DOP1B: variants seen among roughly 807,000 people sequenced by gnomAD.
The protein encoded by DOP1B is DOP1 leucine zipper like protein B.
Under a neutral mutation model 233.5 loss-of-function variants are expected in DOP1B, and 174 were observed. The ratio of observed to expected loss-of-function variants is 0.75; its 90% CI spans 0.66 to 0.85. DOP1B has a LOEUF of 0.85. Among genes scored for constraint, DOP1B ranks in the 40% least tolerant of loss-of-function variants. The pLI is 0.00. For missense variants in DOP1B, 2,652 were observed against 2,846.6 expected (o/e 0.93, Z 1.56); for synonymous variants, 1,190 against 1,185.6 (o/e 1.00, Z -0.08).
intron 32 of DOP1B, 78 bp downstream of exon 32, chr21:36,281,689 T>G (rs760116624): frequency 1.9e-5 from 25 of 1,329,598 alleles, no homozygotes; most frequent in Non-Finnish European, 2.3e-5. Context: ...AAACAGAAAT[T>G]TATTGCCTCA....
intron 2 of DOP1B, among the ~76,000 whole-genome samples, chr21:36,166,660 T>G (rs906984002): frequency 2.0e-5 from 3 of 152,144 alleles, no homozygotes; most frequent in African/African-American, 7.2e-5. Context: ...CTGTTGCTGT[T>G]CAGACAGGAC....
intron 31 of DOP1B, among the ~76,000 whole-genome samples, chr21:36,280,592 G>A (rs2067404242): frequency 6.6e-6 from 1 of 152,202 alleles, no homozygotes; most frequent in Non-Finnish European, 1.5e-5. Context: ...ACTGCCGAAA[G>A]CATCCAGCTT....
intron 4 of DOP1B, among the ~76,000 whole-genome samples, chr21:36,203,474 A>T (rs1569018659): frequency 6.6e-6 from 1 of 152,214 alleles, no homozygotes. Context: ...AGACTGAGGC[A>T]GAAGAATCAC....
rs746416742 is a variant in DOP1B at position 36,263,570 on chromosome 21, G to T, written c.5340G>T (p.Glu1780Asp). ...LQRLPVPALQ[E>D]NFSSLLGVLK... ...GGCTCCCAGTACCAGCCTTGCAAGA[G>T]AACTTTTCTTCACTGTTGGGAGTAT... The change falls in exon 25 of 37, where the codon GAG (glutamate) becomes GAT (aspartate). Residue 1780 changes from glutamate to aspartate, a missense_variant. Physicochemically the swap from Glu to Asp is conservative, Grantham distance 45 (BLOSUM62 2). Transcript: ENST00000691173. 31 of 1,614,018 alleles carry T rather than the reference G, an allele frequency of 1.9e-5. No homozygotes were observed. The Admixed American group carries it at 3.7e-4, about 19-fold the overall frequency.
At chr21:36,186,672 C>T (rs964583879) in intron 2 of DOP1B, among the ~76,000 whole-genome samples, 7 of 152,140 alleles carry the variant, frequency 4.6e-5, no homozygotes, top group Non-Finnish European at 1.0e-4. Context: ...ACCCCCACCC[C>T]CGGAGTGTGG....
rs752081299 is a variant in DOP1B at position 36,270,025 on chromosome 21, A to C, written c.5500A>C (p.Lys1834Gln). The C allele has an allele frequency of 6.2e-7, 1 of 1,613,936 alleles. No homozygotes were observed. Among genetic ancestry groups the C allele is most frequent in the African/African-American group, 1.3e-5 (1 of 75,030 alleles). ...TGATAATTCTCAGGAAATCACTCAG[A>C]AAATCCTAGAAGCTGTGGGGAACAT... ...DQKDLQEITQ[K>Q]ILEAVGNIAG... The change falls in exon 27 of 37, where the codon AAA becomes CAA. Residue 1834 changes from lysine (K) to glutamine (Q), a missense_variant. Physicochemically the swap from Lys to Gln is moderately conservative, Grantham distance 53. Transcript: ENST00000691173.
intron 2 of DOP1B, among the ~76,000 whole-genome samples, chr21:36,194,731 C>T (rs1457127206): frequency 6.6e-6 from 1 of 152,118 alleles, no homozygotes; most frequent in Admixed American, 6.5e-5. Context: ...AGGCGATCTG[C>T]CCATCTTGGC....
chr21:36,227,413 G>GGCGA (rs2066703435), intron 12 of DOP1B, among the ~76,000 whole-genome samples: 1 of 151,256 alleles, frequency 6.6e-6, no homozygotes, highest in Non-Finnish European at 1.5e-5. Context: ...CGGGCGTGGT[G>GGCGA]GTGGGCACCT....
intron 2 of DOP1B, among the ~76,000 whole-genome samples, chr21:36,188,578 TC>T (rs2066193649): frequency 6.6e-6 from 1 of 152,208 alleles, no homozygotes; most frequent in African/African-American, 2.4e-5. Flanking sequence ...CCTCCCTGAC[TC>T]ACTGTGCCAC....
chr21:36,286,529 G>A (rs930563916), intron 32 of DOP1B, among the ~76,000 whole-genome samples: 6 of 151,734 alleles, frequency 4.0e-5, no homozygotes, highest in African/African-American at 2.4e-5. Context: ...CCAGCTACTC[G>A]GGAAGCTGAG....
chr21:36,260,271 GAAAGAAA>G (rs375394959), intron 23 of DOP1B, among the ~76,000 whole-genome samples: 57,039 of 113,808 alleles, frequency 0.5, 11,610 homozygotes, highest in African/African-American at 0.55. Context: ...AGGAAGGAAA[GAAAGAAA>G]GAAAGAAAGA....
Position 36,214,440 on chromosome 21 carries a change from A to T in DOP1B, c.1015-2A>T. ...TAATATGTGGCTTTTTTTAAATAAT[A>T]GGGTTTGGCTGAGATATTGCATCAG... is the stretch of plus-strand genomic sequence containing the variant. On this transcript the variant is annotated splice_acceptor_variant, in intron 8 of 36. Coordinates refer to ENST00000691173, the MANE Select transcript of DOP1B (RefSeq NM_001320714.2). LOFTEE classifies it high-confidence loss of function. 1 of 1,606,764 alleles carries T rather than the reference A, an allele frequency of 6.2e-7. No individual in the cohort carries two copies. The highest frequency in any genetic ancestry group is 8.5e-7 in the Non-Finnish European group (1 of 1,178,098).
chr21:36,221,524 C>G (rs1055350747), intron 10 of DOP1B, among the ~76,000 whole-genome samples: 2 of 151,992 alleles, frequency 1.3e-5, no homozygotes, highest in African/African-American at 4.8e-5. Context: ...TAAATCCTGA[C>G]TGACCAATTT....
Position 36,230,762 on chromosome 21 carries a change from G to C in DOP1B, c.1978G>C (p.Ala660Pro). The change falls in exon 14 of 37, where the codon GCA (alanine) becomes CCA (proline). Residue 660 changes from alanine (A) to proline (P), a missense_variant. Around this residue, in one of 3 missense-constraint regions of DOP1B, gnomAD observed 2,617 missense variants for 2,794.3 expected, o/e 0.94. Coordinates refer to ENST00000691173, the MANE Select transcript of DOP1B (RefSeq NM_001320714.2). ...SGEESKSEEP[A>P]GKRDRDGTQS... ...AGAAGAAAGCAAGTCCGAGGAGCCT[G>C]CAGGGAAGAGGGACAGGGATGGGAC... 6.2e-7 allele frequency: 1 copy of C among 1,614,196 alleles called. No individual in the cohort carries two copies. Among genetic ancestry groups the C allele is most frequent in the South Asian group, 1.1e-5 (1 of 91,076 alleles).
intron 2 of DOP1B, among the ~76,000 whole-genome samples, chr21:36,182,880 G>T (rs1487852133): frequency 1.3e-5 from 2 of 152,206 alleles, no homozygotes; most frequent in Non-Finnish European, 2.9e-5. Context: ...CAGAATGCTT[G>T]GATCTTTTGG....
At chr21:36,279,668 CTG>C (rs896673096) in intron 30 of DOP1B, among the ~76,000 whole-genome samples, 1 of 152,186 alleles carries the variant, frequency 6.6e-6, no homozygotes, top group African/African-American at 2.4e-5. Flanking sequence ...ATCAACACAA[CTG>C]TGTGAATATC....
intron 2 of DOP1B, among the ~76,000 whole-genome samples, chr21:36,178,263 G>C (rs1167380266): frequency 6.6e-6 from 1 of 152,154 alleles, no homozygotes; most frequent in Non-Finnish European, 1.5e-5. Context: ...GGCTAAGGCA[G>C]GTGGATCACT....
At chr21:36,207,860 C>T (rs1353975669) in intron 4 of DOP1B, among the ~76,000 whole-genome samples, 1 of 152,184 alleles carries the variant, frequency 6.6e-6, no homozygotes, top group African/African-American at 2.4e-5. Context: ...TGCTGTCACC[C>T]AGCCTGCAGA....
At position 36,270,485 on chromosome 21, in the gene DOP1B, G is replaced by A. The variant is rs138785278; in HGVS notation, c.5632+328G>A. Among the ~76,000 whole-genome samples the A allele has an allele frequency of 4.9e-3, 713 of 146,466 alleles. 11 individuals carry two copies. Among genetic ancestry groups the A allele is most frequent in the African/African-American group, 0.017 (656 of 39,336 alleles). On this transcript the variant is annotated intron_variant, in intron 27 of 36. Transcript: ENST00000691173. ...GGAGAATCGCTTCAACCTGGGAGGC[G>A]GAGGTTGCAGTGAGCCGAGATCACG...
Sources: gnomAD v4.1 joint callset for allele counts (sites outside exome capture counted in the v4.1 genomes callset) on GRCh38, gnomAD v4.1.1 for gene constraint, gnomAD v4.1.1 regional missense constraint, MANE v1.5 for transcripts, NCBI Gene and HGNC (gene_info 2026-07-23, HGNC 2026-07-21) for gene names.